The following SPAG16 variants were observed in gnomAD, a reference collection of about 807,000 sequenced individuals.
SPAG16 encodes sperm associated antigen 16.
In SPAG16, 86 loss-of-function variants were observed where a neutral mutation model predicts 80.4. The ratio of observed to expected loss-of-function variants is 1.07; its 90% CI spans 0.90 to 1.28. The LOEUF (loss-of-function observed/expected upper bound fraction) is 1.28, where lower values mean the gene tolerates loss of function less well. SPAG16 is among the 50% of genes most tolerant of loss of function. SPAG16 has a pLI of 0.00. For missense variants in SPAG16, 870 were observed against 765.3 expected (o/e 1.14, Z -1.61); for synonymous variants, 294 against 265.9 (o/e 1.11, Z -1.03).
intron 10 of SPAG16, among the ~76,000 whole-genome samples, chr2:213,494,759 G>C (rs1192907653): frequency 6.6e-6 from 1 of 152,102 alleles, no homozygotes; most frequent in Non-Finnish European, 1.5e-5. Flanking sequence ...TGTGGCCTTT[G>C]CAAGATGAGA....
At chr2:214,143,928 T>C (rs1259817274) in intron 14 of SPAG16, among the ~76,000 whole-genome samples, 1 of 151,956 alleles carries the variant, frequency 6.6e-6, no homozygotes, top group Non-Finnish European at 1.5e-5. Flanking sequence ...CAGGTCAAGG[T>C]GGGAGGATCA....
At chr2:213,471,768 C>T (rs762159272) in intron 9 of SPAG16, among the ~76,000 whole-genome samples, 4 of 152,112 alleles carry the variant, frequency 2.6e-5, no homozygotes, top group Non-Finnish European at 4.4e-5. Flanking sequence ...TTGGGTAACT[C>T]GATGAATAGG....
chr2:213,708,169 C>T (rs1353695107), intron 10 of SPAG16, among the ~76,000 whole-genome samples: 1 of 152,072 alleles, frequency 6.6e-6, no homozygotes, highest in African/African-American at 2.4e-5. Context: ...CAAAATATTA[C>T]ATAGCAAAAT....
intron 10 of SPAG16, among the ~76,000 whole-genome samples, chr2:213,556,312 C>CAAAAAAAAAAAAAA (rs35010847): frequency 8.9e-6 from 1 of 112,838 alleles, no homozygotes. Flanking sequence ...AAAAAAAAAC[C>CAAAAAAAAAAAAAA]AAAAAAAAAA....
intron 13 of SPAG16, among the ~76,000 whole-genome samples, chr2:214,021,596 T>C (rs1156305718): frequency 1.3e-5 from 2 of 152,094 alleles, no homozygotes; most frequent in African/African-American, 4.8e-5. Flanking sequence ...CAAGATGAGA[T>C]TTGGGTGGGG....
chr2:213,849,213 A>G (rs1025568707), intron 10 of SPAG16, among the ~76,000 whole-genome samples: 3 of 152,010 alleles, frequency 2.0e-5, no homozygotes, highest in African/African-American at 7.3e-5. Context: ...AAGAGTGGGG[A>G]GGTACCAGGC....
intron 10 of SPAG16, among the ~76,000 whole-genome samples, chr2:213,841,822 A>G (rs1044231680): frequency 6.6e-6 from 1 of 152,164 alleles, no homozygotes; most frequent in African/African-American, 2.4e-5. Flanking sequence ...TGGCACAAAT[A>G]TTAATATAAC....
At chr2:213,991,673 G>C (rs1288345686) in intron 12 of SPAG16, among the ~76,000 whole-genome samples, 1 of 152,002 alleles carries the variant, frequency 6.6e-6, no homozygotes, top group Non-Finnish European at 1.5e-5. Context: ...GAGCCAGTCT[G>C]TATTTTAGAC....
chr2:214,279,633 G>T (rs1017392039), intron 15 of SPAG16, among the ~76,000 whole-genome samples: 3 of 152,122 alleles, frequency 2.0e-5, no homozygotes, highest in Non-Finnish European at 2.9e-5. Flanking sequence ...TTTGCATAAG[G>T]TACTCCTCAA....
At position 214,410,495 on chromosome 2, in the gene SPAG16, A is replaced by AT; in HGVS notation, c.*181dup. ...CTGTTACTAATAAAAAAATAACTTT[A>AT]TGCTCACCCATTTGTGTCAGGGTCT... On this transcript the variant is annotated 3_prime_UTR_variant, in exon 16 of 16. Transcript: ENST00000331683. 2.2e-6 allele frequency: 1 copy of AT among 464,952 alleles called. No homozygotes were observed. The highest frequency in any genetic ancestry group is 3.8e-5 in the Admixed American group (1 of 26,508). 28.8% of individuals were successfully genotyped at this position (464,952 alleles called of 1,614,324 possible). A position where few individuals can be genotyped will look rare whatever the true frequency, so the allele number is the denominator to read the frequency against.
chr2:213,754,885 G>T (rs1366024941), intron 10 of SPAG16, among the ~76,000 whole-genome samples: 1 of 152,178 alleles, frequency 6.6e-6, no homozygotes, highest in African/African-American at 2.4e-5. Context: ...ATAAGAAACA[G>T]TTGAATAGTG....
intron 15 of SPAG16, among the ~76,000 whole-genome samples, chr2:214,384,644 G>A (rs1010552485): frequency 1.5e-4 from 23 of 152,088 alleles, no homozygotes; most frequent in African/African-American, 5.6e-4. Context: ...CCAAGCAATG[G>A]GTATGTACTT....
chr2:213,559,762 G>C (rs761825056), intron 10 of SPAG16, among the ~76,000 whole-genome samples: 105 of 151,876 alleles, frequency 6.9e-4, no homozygotes, highest in Non-Finnish European at 1.4e-3. Flanking sequence ...TCTTATTCTA[G>C]TTAAAAATAT....
At position 214,023,406 on chromosome 2, in the gene SPAG16, T is replaced by A. The variant is rs553983777; in HGVS notation, c.1527+9329T>A. Among the ~76,000 whole-genome samples, 4 of 90,190 alleles carry A rather than the reference T, an allele frequency of 4.4e-5. No individual in the cohort carries two copies. In the East Asian group the frequency reaches 8.3e-4, roughly 19 times the overall value. The allele number at this position is 90,190 out of a possible 152,430, so 59.2% of individuals were successfully genotyped here. On this transcript the variant is annotated intron_variant, in intron 13 of 15. Transcript: ENST00000331683. Reference sequence around the variant, plus strand: ...TATCAATTGCTTCCTAAGGCATTCATTAAAAAAAAAAGAAAAAAATACTTT... The same window carrying A: ...TATCAATTGCTTCCTAAGGCATTCAATAAAAAAAAAAGAAAAAAATACTTT...
intron 3 of SPAG16, among the ~76,000 whole-genome samples, chr2:213,299,367 A>G (rs1053007833): frequency 1.4e-4 from 21 of 151,570 alleles, no homozygotes; most frequent in African/African-American, 4.8e-4. Context: ...CAGTGGCGCA[A>G]TCTTGGCTCA....
chr2:213,631,250 A>AAAAC (rs560977795), intron 10 of SPAG16, among the ~76,000 whole-genome samples: 5 of 152,282 alleles, frequency 3.3e-5, no homozygotes, highest in Admixed American at 1.3e-4. Flanking sequence ...AATTCATTTC[A>AAAAC]AAACAAACAA....
intron 9 of SPAG16, among the ~76,000 whole-genome samples, chr2:213,378,223 C>G (rs1360663600): frequency 6.6e-6 from 1 of 152,060 alleles, no homozygotes; most frequent in Admixed American, 6.5e-5. Flanking sequence ...TCTGTCTTTC[C>G]CAGCCCACTG....
chr2:213,509,116 C>T lies in SPAG16; in HGVS notation c.1070+19026C>T, dbSNP rs529554803. 1.6e-3 allele frequency among the ~76,000 whole-genome samples: 236 copies of T among 152,128 alleles called. 1 individual carries two copies. The highest frequency in any genetic ancestry group is 5.4e-3 in the African/African-American group (224 of 41,518). Reference sequence around the variant, plus strand: ...AGTTCAAGTGATTCTTCTGCCTCAGCCTCCCGAGTAGCTGGGATTAAAGGC... The same window carrying T: ...AGTTCAAGTGATTCTTCTGCCTCAGTCTCCCGAGTAGCTGGGATTAAAGGC... On this transcript the variant is annotated intron_variant, in intron 10 of 15. Transcript: ENST00000331683.
intron 14 of SPAG16, among the ~76,000 whole-genome samples, chr2:214,108,815 T>G (rs1199385976): frequency 6.6e-6 from 1 of 152,138 alleles, no homozygotes; most frequent in Non-Finnish European, 1.5e-5. Flanking sequence ...ACAAAAATAT[T>G]TTATCTGCCA....
Sources: gnomAD v4.1 joint callset for allele counts (sites outside exome capture counted in the v4.1 genomes callset) on GRCh38, gnomAD v4.1.1 for gene constraint, MANE v1.5 for transcripts, NCBI Gene and HGNC (gene_info 2026-07-23, HGNC 2026-07-21) for gene names.